Variants in PRKCE observed in about 807,000 individuals in gnomAD.
PRKCE encodes protein kinase C epsilon, also known as protein kinase C epsilon type.
A neutral mutation model predicts 85.4 loss-of-function variants in PRKCE; 16 were observed. That is an observed-to-expected ratio of 0.19 (90% confidence interval 0.13 to 0.28). The LOEUF is 0.28. Among genes scored for constraint, PRKCE ranks in the 10% least tolerant of loss-of-function variants. The probability of loss-of-function intolerance (pLI) is 1.00; values close to 1 mark genes in which losing one functional copy is unlikely to be tolerated. For synonymous variants in PRKCE, 388 were observed against 371.5 expected (o/e 1.04, Z -0.51); for missense variants, 573 against 975.2 (o/e 0.59, Z 5.49).
intron 2 of PRKCE, among the ~76,000 whole-genome samples, chr2:45,918,020 C>T (rs1350277585): frequency 6.6e-6 from 1 of 152,242 alleles, no homozygotes; most frequent in East Asian, 1.9e-4. Flanking sequence ...GGCCCGCTAG[C>T]GCCGCGCGCA....
At chr2:46,097,721 G>A (rs1189670870) in intron 11 of PRKCE, among the ~76,000 whole-genome samples, 1 of 152,148 alleles carries the variant, frequency 6.6e-6, no homozygotes, top group Non-Finnish European at 1.5e-5. Flanking sequence ...TCATATAGAT[G>A]AAGAGCTTGT....
chr2:45,751,790 G>C (rs1683580829), intron 1 of PRKCE, among the ~76,000 whole-genome samples: 1 of 145,772 alleles, frequency 6.9e-6, no homozygotes, highest in Non-Finnish European at 1.5e-5. Context: ...TCTAACTCCA[G>C]CCTCCAAAGC....
At chr2:45,875,623 T>G (rs796195981) in intron 2 of PRKCE, among the ~76,000 whole-genome samples, 2 of 152,320 alleles carry the variant, frequency 1.3e-5, no homozygotes, top group African/African-American at 4.8e-5. Flanking sequence ...TCTGCCTTGA[T>G]CAGGAAGACA....
At chr2:45,749,656 T>A (rs1377383982) in intron 1 of PRKCE, among the ~76,000 whole-genome samples, 1 of 152,250 alleles carries the variant, frequency 6.6e-6, no homozygotes, top group Non-Finnish European at 1.5e-5. Flanking sequence ...CAGTGTCTCA[T>A]TTAATTTTTG....
At chr2:46,059,661 C>T (rs1666922674) in intron 10 of PRKCE, among the ~76,000 whole-genome samples, 2 of 152,144 alleles carry the variant, frequency 1.3e-5, no homozygotes, top group African/African-American at 4.8e-5. Context: ...TCAACATTCT[C>T]AAAACCCAGA....
chr2:45,762,051 G>A (rs898113224), intron 1 of PRKCE, among the ~76,000 whole-genome samples: 3 of 152,084 alleles, frequency 2.0e-5, no homozygotes, highest in African/African-American at 7.2e-5. Context: ...CCCTTGGTTG[G>A]CGTGCACCAT....
intron 13 of PRKCE, 61 bp downstream of exon 13, chr2:46,151,290 C>CAA (rs1676604702): frequency 2.2e-6 from 2 of 907,082 alleles, no homozygotes; most frequent in Non-Finnish European, 3.3e-6. Flanking sequence ...TACACACACA[C>CAA]ACACACACAC....
intron 1 of PRKCE, among the ~76,000 whole-genome samples, chr2:45,661,543 T>G (rs1675656978): frequency 7.4e-6 from 1 of 135,920 alleles, no homozygotes; most frequent in African/African-American, 2.7e-5. Flanking sequence ...TTTTTTTTTT[T>G]TTTTAGAAGG....
intron 2 of PRKCE, among the ~76,000 whole-genome samples, chr2:45,973,364 C>T (rs1345679233): frequency 6.6e-6 from 1 of 152,220 alleles, no homozygotes; most frequent in East Asian, 1.9e-4. Context: ...CAGGCTCCAA[C>T]CCCTTTCTCC....
chr2:46,134,407 C>T (rs746212788), intron 11 of PRKCE, among the ~76,000 whole-genome samples: 1 of 152,194 alleles, frequency 6.6e-6, no homozygotes, highest in Non-Finnish European at 1.5e-5. Context: ...GGCTAGAAGG[C>T]CATGGGGGAC....
intron 2 of PRKCE, among the ~76,000 whole-genome samples, chr2:45,968,112 A>T (rs1172390495): frequency 6.6e-6 from 1 of 152,196 alleles, no homozygotes; most frequent in East Asian, 1.9e-4. Context: ...TCTTGGCTCC[A>T]TATACTCTGG....
chr2:46,111,575 C>T (rs1597156), intron 11 of PRKCE, among the ~76,000 whole-genome samples: 109,370 of 152,080 alleles, frequency 0.72, 40,262 homozygotes, highest in East Asian at 0.95. Context: ...ACATTTTGCA[C>T]AAATGGGATC....
intron 10 of PRKCE, among the ~76,000 whole-genome samples, chr2:46,031,189 A>G (rs1707489258): frequency 6.6e-6 from 1 of 152,158 alleles, no homozygotes; most frequent in South Asian, 2.1e-4. Flanking sequence ...CACTTTTGTG[A>G]CCGTATTTTG....
chr2:45,855,385 T>C (rs1392502360), intron 2 of PRKCE, among the ~76,000 whole-genome samples: 1 of 152,226 alleles, frequency 6.6e-6, no homozygotes, highest in African/African-American at 2.4e-5. Flanking sequence ...AATGGAAATG[T>C]TAAAATTTGA....
chr2:45,823,887 C>T (rs560859995), intron 1 of PRKCE, among the ~76,000 whole-genome samples: 8 of 152,374 alleles, frequency 5.3e-5, no homozygotes, highest in African/African-American at 1.9e-4. Flanking sequence ...GAGGCCTGCC[C>T]AGAGGCTCGC....
intron 2 of PRKCE, among the ~76,000 whole-genome samples, chr2:45,902,182 G>A (rs1167596727): frequency 6.6e-6 from 1 of 152,164 alleles, no homozygotes; most frequent in Non-Finnish European, 1.5e-5. Context: ...AGCAATATGG[G>A]CCCAGAAGGC....
chr2:46,151,280 T>TACACACAC (rs35676949), intron 13 of PRKCE, 51 bp downstream of exon 13: 8,563 of 558,484 alleles, frequency 0.015, 193 homozygotes, highest in African/African-American at 0.075. Context: ...CTCCTCCCCC[T>TACACACAC]ACACACACAC....
intron 1 of PRKCE, among the ~76,000 whole-genome samples, chr2:45,835,366 A>G (rs913720853): frequency 3.9e-5 from 6 of 152,150 alleles, no homozygotes; most frequent in Non-Finnish European, 8.8e-5. Context: ...TGGAGCAGCC[A>G]CCACAATCAG....
At chr2:46,129,615 G>C (rs1674214468) in intron 11 of PRKCE, among the ~76,000 whole-genome samples, 2 of 152,308 alleles carry the variant, frequency 1.3e-5, no homozygotes, top group South Asian at 4.1e-4. Flanking sequence ...CCTGTGGGCA[G>C]CCTCTGCCCT....
Sources: allele counts gnomAD v4.1 joint callset (sites outside exome capture counted in the v4.1 genomes callset), GRCh38; gene constraint gnomAD v4.1.1; transcripts MANE v1.5; gene names NCBI Gene and HGNC (gene_info 2026-07-23, HGNC 2026-07-21).